The following NSUN7 variants were observed in gnomAD, a reference collection of about 807,000 sequenced individuals.
NSUN7 encodes the protein protein NSUN7.
Under a neutral mutation model 58.5 loss-of-function variants are expected in NSUN7, and 39 were observed. The observed-to-expected ratio is 0.67, with a 90% CI of 0.52 to 0.87. The LOEUF (loss-of-function observed/expected upper bound fraction) is 0.87, where lower values mean the gene tolerates loss of function less well. Among genes scored for constraint, NSUN7 ranks in the 40% least tolerant of loss-of-function variants. The probability of loss-of-function intolerance (pLI) is 0.00; values close to 1 mark genes in which losing one functional copy is unlikely to be tolerated. For synonymous variants in NSUN7, 278 were observed against 303.7 expected, an observed-to-expected ratio of 0.92 and a Z score of 0.88; for missense variants, 765 against 844.1, an observed-to-expected ratio of 0.91 and a Z score of 1.16.
At chr4:40,806,961 G>A in intron 10 of NSUN7, 100 bp from the exon 11 acceptor site, 1 of 1,225,618 alleles carries the variant, frequency 8.2e-7, no homozygotes, top group Non-Finnish European at 1.1e-6. Flanking sequence ...TTAAACGATT[G>A]GTAAAGTATA....
chr4:40,784,353 C>T (rs942402408), intron 7 of NSUN7, among the ~76,000 whole-genome samples: 2 of 151,994 alleles, frequency 1.3e-5, no homozygotes, highest in African/African-American at 2.4e-5. Context: ...TTCATAATAG[C>T]TAAAAAGTGG....
At chr4:40,768,897 T>C (rs912874620) in intron 4 of NSUN7, among the ~76,000 whole-genome samples, 4 of 152,154 alleles carry the variant, frequency 2.6e-5, no homozygotes, top group African/African-American at 9.7e-5. Context: ...GAGGCAGCAA[T>C]TGGAAAATAA....
intron 10 of NSUN7, among the ~76,000 whole-genome samples, chr4:40,804,438 C>CA (rs397817300): frequency 0.018 from 1,912 of 109,136 alleles, 36 homozygotes; most frequent in African/African-American, 0.046. Context: ...GACTCCATCT[C>CA]AAAAAAAAAA....
intron 10 of NSUN7, among the ~76,000 whole-genome samples, chr4:40,806,259 T>C (rs1015569653): frequency 1.3e-5 from 2 of 152,198 alleles, no homozygotes; most frequent in African/African-American, 4.8e-5. Context: ...CCTCCCAAAG[T>C]GCTGGGATTA....
intron 2 of NSUN7, 69 bp downstream of exon 2, chr4:40,751,060 C>T: frequency 6.6e-7 from 1 of 1,516,140 alleles, no homozygotes; most frequent in Non-Finnish European, 9.0e-7. Context: ...GGGAATGCAG[C>T]CCTCCTCCTC....
chr4:40,786,605 A>C (rs186343436), intron 7 of NSUN7: 1 of 1,613,124 alleles, frequency 6.2e-7, no homozygotes, highest in East Asian at 2.2e-5. Flanking sequence ...TGGCATTTGC[A>C]GCCTACCTGT....
chr4:40,756,870 C>A (rs1198209247), intron 2 of NSUN7, among the ~76,000 whole-genome samples: 1 of 152,112 alleles, frequency 6.6e-6, no homozygotes, highest in Non-Finnish European at 1.5e-5. Context: ...TCAGTAGAAA[C>A]CATACTTTGA....
rs1393689230 is a variant in NSUN7, at chr4:40,810,197, T to G, written c.*1258T>G. On this transcript the variant is annotated 3_prime_UTR_variant, in exon 12 of 12. Coordinates refer to ENST00000381782, the MANE Select transcript of NSUN7 (RefSeq NM_024677.6). ...TCTATTTTTACTTTCTTACTTGAAG[T>G]GAGAAAAGAGAATGGTGAATTGTAT... is the stretch of plus-strand genomic sequence containing the variant. The G allele has an allele frequency of 6.6e-6, 1 of 152,122 alleles. No homozygotes were observed. Among genetic ancestry groups the G allele is most frequent in the Non-Finnish European group, 1.5e-5 (1 of 68,020 alleles). 9.4% of individuals were successfully genotyped at this position (152,122 alleles called of 1,614,324 possible).
At chr4:40,763,137 T>C (rs1391052313) in intron 4 of NSUN7, among the ~76,000 whole-genome samples, 1 of 152,068 alleles carries the variant, frequency 6.6e-6, no homozygotes, top group Non-Finnish European at 1.5e-5. Flanking sequence ...ACTTCAACCA[T>C]TTATATGCTA....
intron 4 of NSUN7, among the ~76,000 whole-genome samples, chr4:40,772,649 C>A (rs944014378): frequency 6.6e-6 from 1 of 152,114 alleles, no homozygotes; most frequent in Non-Finnish European, 1.5e-5. Flanking sequence ...AAGGACACTG[C>A]AGGCATGAAG....
intron 9 of NSUN7, among the ~76,000 whole-genome samples, chr4:40,794,677 T>C (rs2154288838): frequency 6.6e-6 from 1 of 152,344 alleles, no homozygotes; most frequent in African/African-American, 2.4e-5. Context: ...TTTACTGTAA[T>C]TTTAAACAGG....
chr4:40,782,565 A>G (rs1742628508), intron 7 of NSUN7, among the ~76,000 whole-genome samples: 1 of 151,784 alleles, frequency 6.6e-6, no homozygotes, highest in Middle Eastern at 3.4e-3. Context: ...AAAAAAAAGA[A>G]AAAAAGAAAA....
Position 40,752,565 on chromosome 4 carries a change from C to T in NSUN7, c.298+1574C>T, listed in dbSNP as rs975395100. Among the ~76,000 whole-genome samples, 11 of 152,214 alleles carry T rather than the reference C, an allele frequency of 7.2e-5. No individual in the cohort carries two copies. In the East Asian group the frequency reaches 1.2e-3, roughly 16 times the overall value. ...CCTCCTGAGTAGCTGGGACTACAGG[C>T]GCACGCCACCATGCCTGGCTAATTT... is the stretch of plus-strand genomic sequence containing the variant. On this transcript the variant is annotated intron_variant, in intron 2 of 11. Coordinates refer to ENST00000381782, the MANE Select transcript of NSUN7 (RefSeq NM_024677.6).
At chr4:40,806,869 T>A (rs1302099593) in intron 10 of NSUN7, among the ~76,000 whole-genome samples, 192 bp from the exon 11 acceptor site, 1 of 152,234 alleles carries the variant, frequency 6.6e-6, no homozygotes, top group Non-Finnish European at 1.5e-5. Flanking sequence ...AAATTATGAA[T>A]ATAAAATATT....
intron 2 of NSUN7, among the ~76,000 whole-genome samples, chr4:40,755,256 A>AT (rs1343166126): frequency 6.6e-6 from 1 of 152,020 alleles, no homozygotes; most frequent in Non-Finnish European, 1.5e-5. Context: ...CGCCCGGCTA[A>AT]TTTTTTGTAT....
intron 7 of NSUN7, chr4:40,786,803 C>T: frequency 7.8e-7 from 1 of 1,286,692 alleles, no homozygotes; most frequent in South Asian, 1.5e-5. Flanking sequence ...GTTTGCCTGC[C>T]TGTCTGCCCT....
Position 40,790,778 on chromosome 4 carries a change from A to C in NSUN7, c.1180+33A>C, listed in dbSNP as rs370313758. On this transcript the variant is annotated intron_variant, in intron 8 of 11. Transcript: ENST00000381782. ...TTTTAATTTCTAAATTATTGAAATT[A>C]GTTGACAGTTTAAAATATAAAATTA... 4 of 1,445,024 alleles carry C rather than the reference A, an allele frequency of 2.8e-6. No individual in the cohort carries two copies. The African/African-American group carries it at 5.7e-5, about 21-fold the overall frequency. 89.5% of individuals were successfully genotyped at this position (1,445,024 alleles called of 1,614,324 possible).
At chr4:40,770,134 C>G (rs1172157247) in intron 4 of NSUN7, among the ~76,000 whole-genome samples, 1 of 150,138 alleles carries the variant, frequency 6.7e-6, no homozygotes, top group East Asian at 2.0e-4. Flanking sequence ...CACTTGAACC[C>G]GGGAGGCGGA....
At chr4:40,771,388 C>CA (rs1280493279) in intron 4 of NSUN7, among the ~76,000 whole-genome samples, 1 of 152,102 alleles carries the variant, frequency 6.6e-6, no homozygotes, top group Non-Finnish European at 1.5e-5. Flanking sequence ...TTTCTACCTC[C>CA]AAAAAATCTC....
Sources: allele counts gnomAD v4.1 joint callset (sites outside exome capture counted in the v4.1 genomes callset), GRCh38; gene constraint gnomAD v4.1.1; transcripts MANE v1.5; gene names NCBI Gene and HGNC (gene_info 2026-07-23, HGNC 2026-07-21).